The following DIAPH2 variants were observed in gnomAD, a reference collection of about 807,000 sequenced individuals.
DIAPH2 encodes diaphanous related formin 2, also known as protein diaphanous homolog 2.
A neutral mutation model predicts 92.7 loss-of-function variants in DIAPH2; 35 were observed. The observed-to-expected ratio is 0.38, with a 90% CI of 0.29 to 0.50. The LOEUF (loss-of-function observed/expected upper bound fraction) is 0.50, where lower values mean the gene tolerates loss of function less well. Ranked by LOEUF, DIAPH2 falls within the 20% of genes least tolerant of loss-of-function variation. DIAPH2 has a pLI of 0.94. For missense variants in DIAPH2, 701 were observed against 819.5 expected (o/e 0.86, Z 1.77); for synonymous variants, 301 against 280.4 (o/e 1.07, Z -0.73).
At chrX:97,193,643 TC>T (rs1340731816) in intron 22 of DIAPH2, among the ~76,000 whole-genome samples, 1 of 112,174 alleles carries the variant, frequency 8.9e-6, no homozygotes, top group African/African-American at 3.2e-5. Flanking sequence ...GATTTCATTT[TC>T]TGGTGAAGTT....
chrX:97,516,549 A>G (rs2070950114), intron 26 of DIAPH2, among the ~76,000 whole-genome samples: 1 of 112,127 alleles, frequency 8.9e-6, no homozygotes, highest in African/African-American at 3.2e-5. Context: ...CTCTGTGGCA[A>G]TAGGACCTCA....
intron 24 of DIAPH2, among the ~76,000 whole-genome samples, chrX:97,366,609 C>G (rs2069383796): frequency 8.9e-6 from 1 of 111,846 alleles, no homozygotes; most frequent in African/African-American, 3.2e-5. Context: ...CCATAGCCAG[C>G]AGACACCTGC....
At chrX:96,815,814 G>T (rs185832259) in intron 4 of DIAPH2, among the ~76,000 whole-genome samples, 1 of 111,276 alleles carries the variant, frequency 9.0e-6, no homozygotes, top group Non-Finnish European at 1.9e-5. Context: ...ACAGGTGCAC[G>T]CTGCCACATC....
chrX:96,778,672 A>G (rs916017370), intron 4 of DIAPH2, among the ~76,000 whole-genome samples: 6 of 111,742 alleles, frequency 5.4e-5, no homozygotes, highest in Non-Finnish European at 9.4e-5. Context: ...CATTACATTT[A>G]TTTGTCATAT....
At chrX:97,535,466 T>A (rs1317615998) in intron 26 of DIAPH2, among the ~76,000 whole-genome samples, 3 of 112,270 alleles carry the variant, frequency 2.7e-5, no homozygotes, top group Non-Finnish European at 5.6e-5. Context: ...TTATTTATTT[T>A]TTTGAGACAG....
At chrX:97,567,931 A>G (rs1007522731) in intron 26 of DIAPH2, among the ~76,000 whole-genome samples, 1 of 108,775 alleles carries the variant, frequency 9.2e-6, no homozygotes, top group East Asian at 2.9e-4. Flanking sequence ...CGTGACCAAC[A>G]TGGTGAAACC....
At chrX:96,873,757 A>G (rs1282647033) in intron 4 of DIAPH2, among the ~76,000 whole-genome samples, 1 of 110,445 alleles carries the variant, frequency 9.1e-6, no homozygotes, top group Non-Finnish European at 1.9e-5. Flanking sequence ...AAAACTAGGG[A>G]AATTTGAATA....
At chrX:97,462,595 T>TA (rs2070468810) in intron 26 of DIAPH2, among the ~76,000 whole-genome samples, 1 of 112,154 alleles carries the variant, frequency 8.9e-6, no homozygotes, top group Non-Finnish European at 1.9e-5. Flanking sequence ...GTTAGCTTTG[T>TA]AAGAGTAGAA....
chrX:97,375,987 T>A (rs1003879938), intron 24 of DIAPH2, among the ~76,000 whole-genome samples: 6 of 110,916 alleles, frequency 5.4e-5, no homozygotes, highest in Non-Finnish European at 1.1e-4. Context: ...CTAAGACAAA[T>A]GTTCCCTAAA....
chrX:97,161,785 T>C (rs1252078200), intron 22 of DIAPH2, among the ~76,000 whole-genome samples: 1 of 111,511 alleles, frequency 9.0e-6, no homozygotes, highest in African/African-American at 3.3e-5. Flanking sequence ...CTTTTGTCTT[T>C]CTCTAAAATT....
At chrX:96,772,391 C>A (rs1048503157) in intron 4 of DIAPH2, among the ~76,000 whole-genome samples, 1 of 111,566 alleles carries the variant, frequency 9.0e-6, no homozygotes, top group Non-Finnish European at 1.9e-5. Context: ...TGGCCTTATC[C>A]CATGGAGATT....
intron 26 of DIAPH2, among the ~76,000 whole-genome samples, chrX:97,486,114 C>T (rs773812470): frequency 9.1e-6 from 1 of 110,443 alleles, no homozygotes; most frequent in Admixed American, 9.7e-5. Context: ...TTGGGCTTCT[C>T]TTAAAAAAAT....
At chrX:97,527,414 G>T (rs146168438) in intron 26 of DIAPH2, among the ~76,000 whole-genome samples, 1 of 111,946 alleles carries the variant, frequency 8.9e-6, no homozygotes, top group East Asian at 2.8e-4. Context: ...ACATATCAGC[G>T]TGTGTTTTTC....
chrX:97,414,653 C>CAAA (rs56828730), intron 25 of DIAPH2, among the ~76,000 whole-genome samples: 3 of 37,762 alleles, frequency 7.9e-5, no homozygotes, highest in Admixed American at 3.4e-4. Context: ...GACTCTGTCT[C>CAAA]AAAAAAAAAA....
intron 4 of DIAPH2, among the ~76,000 whole-genome samples, chrX:96,833,014 A>AGT (rs1219240894): frequency 9.0e-6 from 1 of 111,463 alleles, no homozygotes; most frequent in East Asian, 2.8e-4. Context: ...TAGTGACACC[A>AGT]GTGTGTGTGT....
intron 26 of DIAPH2, among the ~76,000 whole-genome samples, chrX:97,455,514 A>G (rs1362852795): frequency 8.9e-6 from 1 of 112,290 alleles, no homozygotes; most frequent in Non-Finnish European, 1.9e-5. Context: ...CGATTGCAAA[A>G]TATTAAAATC....
intron 23 of DIAPH2, among the ~76,000 whole-genome samples, chrX:97,270,064 G>A (rs1246939185): frequency 2.7e-5 from 3 of 111,072 alleles, no homozygotes; most frequent in Non-Finnish European, 5.7e-5. Context: ...CTGAGTAGCT[G>A]GCATTATAGG....
intron 4 of DIAPH2, among the ~76,000 whole-genome samples, chrX:96,849,728 GA>G (rs1370233736): frequency 9.0e-6 from 1 of 111,572 alleles, no homozygotes; most frequent in Admixed American, 9.6e-5. Flanking sequence ...GAAGTTGCCA[GA>G]AATTTGGAAT....
chrX:97,155,256 A>T (rs371059268), intron 22 of DIAPH2, among the ~76,000 whole-genome samples: 5 of 111,700 alleles, frequency 4.5e-5, no homozygotes, highest in African/African-American at 1.6e-4. Context: ...GTAATCCAGC[A>T]CTTTGGGAGG....
Sources: allele counts gnomAD v4.1 joint callset (sites outside exome capture counted in the v4.1 genomes callset), GRCh38; gene constraint gnomAD v4.1.1; transcripts MANE v1.5; gene names NCBI Gene and HGNC (gene_info 2026-07-23, HGNC 2026-07-21).